The following TCF7L2 variants were observed in gnomAD, a reference collection of about 807,000 sequenced individuals.
The protein encoded by TCF7L2 is transcription factor 7-like 2.
TCF7L2 carries 23 observed loss-of-function variants against 77.9 expected under a neutral mutation model. The ratio of observed to expected loss-of-function variants is 0.30; its 90% CI spans 0.21 to 0.42. The LOEUF is 0.42. TCF7L2 is among the 10% of genes least tolerant of loss of function. TCF7L2 has a pLI of 1.00. For synonymous variants in TCF7L2, 413 were observed against 340.2 expected (o/e 1.21, Z -2.36); for missense variants, 654 against 793.1 (o/e 0.82, Z 2.11).
At chr10:113,069,945 T>C (rs957780267) in intron 5 of TCF7L2, among the ~76,000 whole-genome samples, 53 of 151,762 alleles carry the variant, frequency 3.5e-4, no homozygotes, top group Non-Finnish European at 6.9e-4. Flanking sequence ...CTGTGGGAGG[T>C]AGCAGGAGTC....
chr10:113,082,971 G>T (rs1385759935), intron 5 of TCF7L2, among the ~76,000 whole-genome samples: 1 of 152,080 alleles, frequency 6.6e-6, no homozygotes, highest in Non-Finnish European at 1.5e-5. Context: ...GGAGGGGTGA[G>T]CAGTGCTTTG....
At chr10:113,099,480 A>G (rs1591667044) in intron 5 of TCF7L2, among the ~76,000 whole-genome samples, 1 of 152,192 alleles carries the variant, frequency 6.6e-6, no homozygotes, top group African/African-American at 2.4e-5. Context: ...ATCCCCACCC[A>G]GGCTCTGGAA....
At chr10:113,026,503 C>T (rs1424695888) in intron 4 of TCF7L2, among the ~76,000 whole-genome samples, 2 of 152,170 alleles carry the variant, frequency 1.3e-5, no homozygotes, top group African/African-American at 4.8e-5. Flanking sequence ...ACCCTTCTGT[C>T]AGCCAGCTCC....
intron 5 of TCF7L2, among the ~76,000 whole-genome samples, chr10:113,075,429 A>G (rs1214182877): frequency 6.6e-6 from 1 of 151,132 alleles, no homozygotes; most frequent in East Asian, 2.0e-4. Context: ...ATTGCACTCC[A>G]GCCTGGGCGA....
chr10:113,063,077 G>T (rs1564842058), intron 5 of TCF7L2, among the ~76,000 whole-genome samples: 2 of 152,110 alleles, frequency 1.3e-5, no homozygotes, highest in South Asian at 2.1e-4. Flanking sequence ...ACTTTTACTG[G>T]AGTGCTTGCA....
At chr10:113,045,758 AT>A (rs2053333328) in intron 5 of TCF7L2, among the ~76,000 whole-genome samples, 1 of 152,184 alleles carries the variant, frequency 6.6e-6, no homozygotes, top group Non-Finnish European at 1.5e-5. Context: ...TCTCTACTGC[AT>A]ATATACTTTG....
In TCF7L2 at chr10:113,100,228, C is replaced by A. The variant is rs987759151; in HGVS notation, c.553-40956C>A. On this transcript the variant is annotated intron_variant, in intron 5 of 13. Coordinates refer to ENST00000627217, the MANE Select transcript of TCF7L2 (RefSeq NM_001146274.2). ...GCATCCCGAGAGCACGGGTACCTAGCAGAAGAAGAACGAAGTAGCCAGGAA... is the reference window on the plus strand; with the variant it reads ...GCATCCCGAGAGCACGGGTACCTAGAAGAAGAAGAACGAAGTAGCCAGGAA... Among the ~76,000 whole-genome samples the A allele has an allele frequency of 1.3e-4, 20 of 152,366 alleles. 1 individual carries two copies. Among genetic ancestry groups the A allele is most frequent in the Admixed American group, 1.2e-3 (18 of 15,308 alleles).
intron 5 of TCF7L2, among the ~76,000 whole-genome samples, chr10:113,065,408 C>T (rs189061558): frequency 1.3e-4 from 20 of 152,326 alleles, no homozygotes; most frequent in Admixed American, 1.2e-3. Flanking sequence ...GTATACCTTA[C>T]GGGTGCTATT....
chr10:113,164,593 T>C (rs1479154000), intron 13 of TCF7L2, among the ~76,000 whole-genome samples: 1 of 113,210 alleles, frequency 8.8e-6, no homozygotes, highest in Admixed American at 1.1e-4. Context: ...AAGCCCCAAA[T>C]CTTAAAAAAA....
intron 5 of TCF7L2, among the ~76,000 whole-genome samples, chr10:113,111,570 T>G (rs749690400): frequency 3.3e-5 from 5 of 152,070 alleles, no homozygotes; most frequent in Non-Finnish European, 5.9e-5. Context: ...AGCAGGAGGA[T>G]CACTTGAGCC....
chr10:112,982,399 A>C (rs2040639438), intron 4 of TCF7L2, among the ~76,000 whole-genome samples: 1 of 152,218 alleles, frequency 6.6e-6, no homozygotes, highest in Admixed American at 6.5e-5. Flanking sequence ...CTGGCACATA[A>C]GAAAGGTTTA....
Position 112,966,184 on chromosome 10 carries a change from T to TATA in TCF7L2, c.450+1560_450+1561insATA, listed in dbSNP as rs2036754580. Among the ~76,000 whole-genome samples the TATA allele has an allele frequency of 2.4e-4, 27 of 114,232 alleles. 4 individuals carry two copies. The highest frequency in any genetic ancestry group is 1.0e-3 in the African/African-American group (21 of 21,018). 74.9% of individuals were successfully genotyped at this position (114,232 alleles called of 152,430 possible). ...GAGTGAGACTCTGTCTAAAATATATTTATATATATATATATATATATATAT... is the reference window on the plus strand; with the variant it reads ...GAGTGAGACTCTGTCTAAAATATATTATATATATATATATATATATATATATAT... On this transcript the variant is annotated intron_variant, in intron 4 of 13. Coordinates refer to ENST00000627217, the MANE Select transcript of TCF7L2 (RefSeq NM_001146274.2).
At chr10:112,974,291 G>C (rs1033589877) in intron 4 of TCF7L2, among the ~76,000 whole-genome samples, 1 of 152,156 alleles carries the variant, frequency 6.6e-6, no homozygotes, top group African/African-American at 2.4e-5. Flanking sequence ...AAGAGGGCTG[G>C]TGAGGATACC....
intron 4 of TCF7L2, among the ~76,000 whole-genome samples, chr10:112,972,500 C>T (rs904610033): frequency 1.1e-4 from 16 of 152,186 alleles, no homozygotes; most frequent in Non-Finnish European, 1.5e-4. Flanking sequence ...GACAGGGTCT[C>T]ACTCTGTCAC....
rs957369039 is a variant in TCF7L2 at position 112,978,868 on chromosome 10, C to T, written c.450+14244C>T. On this transcript the variant is annotated intron_variant, in intron 4 of 13. Coordinates refer to ENST00000627217, the MANE Select transcript of TCF7L2 (RefSeq NM_001146274.2). ...TTATTATACTTTAAGTTCTAGGGTACATGTGCACAACGTGCAGGTTTGTTA... is the reference window on the plus strand; with the variant it reads ...TTATTATACTTTAAGTTCTAGGGTATATGTGCACAACGTGCAGGTTTGTTA... 8.5e-5 allele frequency among the ~76,000 whole-genome samples: 13 copies of T among 152,168 alleles called. 1 individual carries two copies. The highest frequency in any genetic ancestry group is 6.5e-4 in the Admixed American group (10 of 15,270).
intron 11 of TCF7L2, among the ~76,000 whole-genome samples, chr10:113,155,359 C>T (rs149010464): frequency 2.6e-5 from 4 of 152,090 alleles, no homozygotes; most frequent in Non-Finnish European, 5.9e-5. Context: ...TTTCTTCTAC[C>T]CATATCGTAG....
At chr10:113,073,491 C>T (rs1037024265) in intron 5 of TCF7L2, among the ~76,000 whole-genome samples, 4 of 119,866 alleles carry the variant, frequency 3.3e-5, no homozygotes, top group Admixed American at 1.0e-4. Flanking sequence ...CAAAGCAAGA[C>T]CCGGTCTCTA....
chr10:112,964,808 GTGGT>G (rs1564719352), intron 4 of TCF7L2, among the ~76,000 whole-genome samples, 184 bp downstream of exon 4: 46 of 117,034 alleles, frequency 3.9e-4, no homozygotes, highest in African/African-American at 1.5e-3. Flanking sequence ...GGTGGTGGTG[GTGGT>G]GGGGGGGGGT....
intron 3 of TCF7L2, among the ~76,000 whole-genome samples, chr10:112,961,844 G>A (rs1287989731): frequency 2.6e-5 from 4 of 151,340 alleles, no homozygotes; most frequent in Admixed American, 2.6e-4. Flanking sequence ...GTGGGGTGGG[G>A]GGCATTAGAA....
Sources: gnomAD v4.1 joint callset for allele counts (sites outside exome capture counted in the v4.1 genomes callset) on GRCh38, gnomAD v4.1.1 for gene constraint, MANE v1.5 for transcripts, NCBI Gene and HGNC (gene_info 2026-07-23, HGNC 2026-07-21) for gene names.